C1D: variants seen among roughly 807,000 people sequenced by gnomAD.
The protein encoded by C1D is nuclear nucleic acid-binding protein C1D.
In C1D, 10 loss-of-function variants were observed where a neutral mutation model predicts 17.5. That is an observed-to-expected ratio of 0.57 (90% confidence interval 0.35 to 0.97). The LOEUF (loss-of-function observed/expected upper bound fraction) is 0.97, where lower values mean the gene tolerates loss of function less well. Ranked by LOEUF, C1D falls within the 50% of genes least tolerant of loss-of-function variation. C1D has a pLI of 0.01. For synonymous variants in C1D, 49 were observed against 54.0 expected (o/e 0.91, Z 0.40); for missense variants, 136 against 160.1 (o/e 0.85, Z 0.81).
intron 4 of C1D, among the ~76,000 whole-genome samples, chr2:68,044,802 A>G (rs189155454): frequency 4.1e-4 from 63 of 152,358 alleles, no homozygotes; most frequent in African/African-American, 1.4e-3. Context: ...TACTACTTCA[A>G]AAGTAGATTC....
rs368285795 is a variant in C1D at position 68,047,377 on chromosome 2, C to A, written c.-9-58G>T. On this transcript the variant is annotated intron_variant, in intron 1 of 4. Transcript: ENST00000410067. ...AGAGACAGAGCTTGTTCTTTAGTTT[C>A]CAAAAAAAAAAATCAATAGGTCATA... is the stretch of plus-strand genomic sequence containing the variant. 116 of 1,384,444 alleles carry A rather than the reference C, an allele frequency of 8.4e-5. No individual in the cohort carries two copies. The African/African-American group carries it at 1.5e-3, about 18-fold the overall frequency. 85.8% of individuals were successfully genotyped at this position (1,384,444 alleles called of 1,614,324 possible).
chr2:68,055,507 AG>A (rs1671411432), intron 1 of C1D, among the ~76,000 whole-genome samples: 1 of 152,168 alleles, frequency 6.6e-6, no homozygotes, highest in African/African-American at 2.4e-5. Flanking sequence ...AGAAAGACAG[AG>A]GAAGAAGAGA....
At chr2:68,062,442 T>C (rs1258885638) in intron 1 of C1D, among the ~76,000 whole-genome samples, 7 of 152,150 alleles carry the variant, frequency 4.6e-5, no homozygotes, top group African/African-American at 1.4e-4. Context: ...CACTACAGAT[T>C]TCAGCTAAAG....
intron 4 of C1D, among the ~76,000 whole-genome samples, chr2:68,044,290 G>C (rs912530921): frequency 1.3e-5 from 2 of 152,242 alleles, no homozygotes; most frequent in African/African-American, 2.4e-5. Flanking sequence ...CTCTCACTTG[G>C]AAATAATGCC....
At chr2:68,055,067 A>G (rs1302154769) in intron 1 of C1D, among the ~76,000 whole-genome samples, 2 of 151,970 alleles carry the variant, frequency 1.3e-5, no homozygotes, top group East Asian at 3.9e-4. Context: ...CAACAAGCTT[A>G]TTTTGATTAT....
intron 1 of C1D, among the ~76,000 whole-genome samples, chr2:68,059,467 T>C (rs1410851127): frequency 2.0e-5 from 3 of 152,168 alleles, no homozygotes; most frequent in South Asian, 2.1e-4. Context: ...AAGGTGTCCA[T>C]ACCTCCCAAA....
intron 1 of C1D, among the ~76,000 whole-genome samples, chr2:68,054,158 T>C (rs546792522): frequency 6.6e-6 from 1 of 152,336 alleles, no homozygotes; most frequent in Non-Finnish European, 1.5e-5. Flanking sequence ...CAGCTTGCCA[T>C]CAACTCAGCT....
At chr2:68,055,729 C>T (rs890708841) in intron 1 of C1D, among the ~76,000 whole-genome samples, 1 of 151,968 alleles carries the variant, frequency 6.6e-6, no homozygotes, top group African/African-American at 2.4e-5. Flanking sequence ...AGGATGCACA[C>T]TGAAGTATAG....
At chr2:68,062,574 T>G (rs2103823024) in intron 1 of C1D, among the ~76,000 whole-genome samples, 1 of 152,328 alleles carries the variant, frequency 6.6e-6, no homozygotes, top group East Asian at 1.9e-4. Context: ...CTTTAGCCTC[T>G]CTCCCTAAGC....
chr2:68,053,763 T>C (rs1290534123), intron 1 of C1D, among the ~76,000 whole-genome samples: 1 of 152,234 alleles, frequency 6.6e-6, no homozygotes, highest in Non-Finnish European at 1.5e-5. Context: ...GCTGTGGCCA[T>C]GATGGCAGTT....
intron 1 of C1D, among the ~76,000 whole-genome samples, chr2:68,058,367 A>G (rs1671500141): frequency 6.6e-6 from 1 of 152,254 alleles, no homozygotes; most frequent in East Asian, 1.9e-4. Context: ...GAAATAAATC[A>G]TGCTATGAGA....
intron 1 of C1D, among the ~76,000 whole-genome samples, chr2:68,051,874 A>G (rs1014023184): frequency 2.0e-5 from 3 of 151,930 alleles, no homozygotes; most frequent in East Asian, 1.9e-4. Context: ...ACATTCCTCA[A>G]TATCAACTAA....
chr2:68,045,666 T>C (rs892680689), intron 4 of C1D, among the ~76,000 whole-genome samples: 2 of 151,836 alleles, frequency 1.3e-5, no homozygotes, highest in African/African-American at 4.8e-5. Context: ...GAATATACTT[T>C]TAAGAACTGT....
At position 68,042,913 on chromosome 2, in the gene C1D, G is replaced by T. The variant is rs1384840120; in HGVS notation, c.402C>A (p.Ala134=). The T allele has an allele frequency of 2.1e-6, 3 of 1,459,538 alleles. No homozygotes were observed. The South Asian group carries it at 3.6e-5, about 18-fold the overall frequency. The allele number at this position is 1,459,538 out of a possible 1,614,324, so 90.4% of individuals were successfully genotyped here. ...EPKSKNASKV[A]NKGKSKS is the part of the protein sequence containing the mutation. ...GTTAACTTTTACTTTTTCCTTTATT[G>T]GCAACTTTTGATGCATTTTTCGATT... Residue 134 remains alanine (A), a synonymous_variant, in exon 5 of 5, where the codon GCC becomes GCA. Transcript: ENST00000410067.
chr2:68,062,452 G>A (rs1671661623), intron 1 of C1D, among the ~76,000 whole-genome samples: 2 of 152,164 alleles, frequency 1.3e-5, no homozygotes, highest in Admixed American at 6.5e-5. Flanking sequence ...TTCAGCTAAA[G>A]GTCGAAATTA....
chr2:68,059,067 C>T (rs184778634), intron 1 of C1D, among the ~76,000 whole-genome samples: 192 of 152,272 alleles, frequency 1.3e-3, no homozygotes, highest in African/African-American at 4.3e-3. Context: ...AGATTTGGCT[C>T]CCAGTTCTGC....
intron 4 of C1D, 61 bp downstream of exon 4, chr2:68,045,923 GTAGT>G: frequency 9.4e-7 from 1 of 1,060,538 alleles, no homozygotes; most frequent in South Asian, 1.5e-5. Context: ...TGTGACAAAG[GTAGT>G]GTGACAAACC....
chr2:68,044,899 G>C (rs1572878559), intron 4 of C1D, among the ~76,000 whole-genome samples: 1 of 152,048 alleles, frequency 6.6e-6, no homozygotes, highest in East Asian at 1.9e-4. Flanking sequence ...GGAAAAAAGA[G>C]AAATTGTATG....
intron 1 of C1D, among the ~76,000 whole-genome samples, chr2:68,055,628 A>G (rs1054171856): frequency 6.6e-6 from 1 of 152,236 alleles, no homozygotes; most frequent in Non-Finnish European, 1.5e-5. Context: ...GAACATGGAC[A>G]AAGTACTAGA....
Sources: allele counts gnomAD v4.1 joint callset (sites outside exome capture counted in the v4.1 genomes callset), GRCh38; gene constraint gnomAD v4.1.1; transcripts MANE v1.5; gene names NCBI Gene and HGNC (gene_info 2026-07-23, HGNC 2026-07-21).